The following HERC6 variants were observed in gnomAD, a reference collection of about 807,000 sequenced individuals.
The protein encoded by HERC6 is HECT and RLD domain containing E3 ubiquitin protein ligase family member 6, also known as probable E3 ubiquitin-protein ligase HERC6.
Under a neutral mutation model 114.5 loss-of-function variants are expected in HERC6, and 101 were observed. The observed-to-expected ratio is 0.88, with a 90% confidence interval of 0.75 to 1.04. The LOEUF is 1.04. Ranked by LOEUF, HERC6 falls within the 50% of genes least tolerant of loss-of-function variation. HERC6 has a pLI of 0.00. For synonymous variants in HERC6, 408 were observed against 436.2 expected, an observed-to-expected ratio of 0.94 and a Z score of 0.81; for missense variants, 1,133 against 1,230.9, an observed-to-expected ratio of 0.92 and a Z score of 1.19.
chr4:88,384,849 G>A (rs191488360), intron 2 of HERC6, among the ~76,000 whole-genome samples: 249 of 152,038 alleles, frequency 1.6e-3, no homozygotes, highest in Non-Finnish European at 2.8e-3. Flanking sequence ...GTGAAACCTC[G>A]TCTATACTAA....
chr4:88,385,479 T>A lies in HERC6; in HGVS notation c.360-20T>A. On this transcript the variant is annotated intron_variant, in intron 2 of 22. Coordinates refer to ENST00000264346, the MANE Select transcript of HERC6 (RefSeq NM_017912.4). ...CGCTCTAAATAAGGATTAATCAATT[T>A]TGTATTATTTGTATTATAGGAAAAT... 8.5e-7 allele frequency: 1 copy of A among 1,178,292 alleles called. No homozygotes were observed. The highest frequency in any genetic ancestry group is 1.2e-6 in the Non-Finnish European group (1 of 829,314). 73.0% of individuals were successfully genotyped at this position (1,178,292 alleles called of 1,614,324 possible).
chr4:88,439,610 T>G (rs1054123054), intron 20 of HERC6, among the ~76,000 whole-genome samples: 1 of 152,104 alleles, frequency 6.6e-6, no homozygotes, highest in Non-Finnish European at 1.5e-5. Context: ...GAGAATGACA[T>G]ATTCAGATTC....
intron 15 of HERC6, among the ~76,000 whole-genome samples, chr4:88,426,598 G>A (rs551812880): frequency 5.3e-5 from 8 of 151,914 alleles, no homozygotes; most frequent in African/African-American, 1.9e-4. Flanking sequence ...TCCTGCCTCA[G>A]TCTCCCAAGT....
At chr4:88,396,818 A>G in intron 6 of HERC6, 33 bp from the exon 7 acceptor site, 1 of 1,477,684 alleles carries the variant, frequency 6.8e-7, no homozygotes, top group Middle Eastern at 1.8e-4. Flanking sequence ...TGAGTGCCTT[A>G]GTCTTCATTA....
At chr4:88,435,065 T>C (rs772502725) in intron 17 of HERC6, among the ~76,000 whole-genome samples, 2 of 152,190 alleles carry the variant, frequency 1.3e-5, no homozygotes, top group African/African-American at 2.4e-5. Flanking sequence ...GGCATTGGAA[T>C]TGAATCCCAA....
chr4:88,425,939 C>T lies in HERC6; in HGVS notation c.1935+1237C>T, dbSNP rs896007998. Reference sequence around the variant, plus strand: ...ACTTTTATTACTAATTCAAAGGATGCATCTGGGTGAAACATAAGAAGTCTG... The same window carrying T: ...ACTTTTATTACTAATTCAAAGGATGTATCTGGGTGAAACATAAGAAGTCTG... On this transcript the variant is annotated intron_variant, in intron 15 of 22. Coordinates refer to ENST00000264346, the MANE Select transcript of HERC6 (RefSeq NM_017912.4). 3.9e-5 allele frequency among the ~76,000 whole-genome samples: 6 copies of T among 152,098 alleles called. No individual in the cohort carries two copies. In the South Asian group the frequency reaches 1.2e-3, roughly 32 times the overall value.
intron 4 of HERC6, 80 bp from the exon 5 acceptor site, chr4:88,393,396 AAAAAAGAAATAT>A: frequency 1.7e-6 from 1 of 598,896 alleles, no homozygotes; most frequent in East Asian, 3.0e-5. Flanking sequence ...CTCTTACACA[AAAAAAGAAATAT>A]AAAAAGATAT....
chr4:88,412,207 A>T (rs1181356310), intron 11 of HERC6, among the ~76,000 whole-genome samples: 2 of 152,240 alleles, frequency 1.3e-5, no homozygotes, highest in East Asian at 3.8e-4. Flanking sequence ...TTTACACGAG[A>T]TCACCTGACA....
intron 8 of HERC6, among the ~76,000 whole-genome samples, chr4:88,401,490 CAAA>C (rs934279048): frequency 3.5e-5 from 2 of 56,722 alleles, no homozygotes; most frequent in African/African-American, 6.3e-5. Context: ...GACTCCATCT[CAAA>C]AAAAAAAAAA....
Position 88,396,703 on chromosome 4 carries a change from C to G in HERC6, c.888-148C>G, listed in dbSNP as rs73841938. The G allele has an allele frequency of 8.8e-3, 5,103 of 579,818 alleles. 198 individuals carry two copies. Among genetic ancestry groups the G allele is most frequent in the African/African-American group, 0.084 (4,503 of 53,370 alleles). The allele number at this position is 579,818 out of a possible 1,614,324, so 35.9% of individuals were successfully genotyped here. A position where few individuals can be genotyped will look rare whatever the true frequency, so the allele number is the denominator to read the frequency against. The stretch of plus-strand genomic sequence containing the variant: ...GTTTAGCCACATCCTTTGATGCCCT[C>G]TAACACTGACATTGTGATAAGGGAG... On this transcript the variant is annotated intron_variant, in intron 6 of 22. Coordinates refer to ENST00000264346, the MANE Select transcript of HERC6 (RefSeq NM_017912.4).
Position 88,431,285 on chromosome 4 carries a change from T to C in HERC6, c.2230T>C (p.Cys744Arg). The change falls in exon 17 of 23, where the codon TGC becomes CGC. Residue 744 changes from cysteine (C) to arginine (R), a missense_variant. Around this residue, in one of 3 missense-constraint regions of HERC6, gnomAD observed 388 missense variants for 445.9 expected, o/e 0.87. Transcript: ENST00000264346. ...GMFMYPEMGS[C>R]MWFPAKPKPE... ...GTTCATGTATCCTGAAATGGGTTCC[T>C]GCATGTGGTTTCCTGCCAAGGTAAG... 6.3e-7 allele frequency: 1 copy of C among 1,597,746 alleles called. No individual in the cohort carries two copies. Among genetic ancestry groups the C allele is most frequent in the Non-Finnish European group, 8.5e-7 (1 of 1,175,148 alleles).
intron 10 of HERC6, among the ~76,000 whole-genome samples, chr4:88,406,389 T>TG (rs1291483688): frequency 6.6e-6 from 1 of 152,254 alleles, no homozygotes; most frequent in Non-Finnish European, 1.5e-5. Context: ...TAACCCTTGT[T>TG]GCTATTACTT....
At chr4:88,413,721 T>C (rs1235054649) in intron 12 of HERC6, among the ~76,000 whole-genome samples, 1 of 152,230 alleles carries the variant, frequency 6.6e-6, no homozygotes, top group Non-Finnish European at 1.5e-5. Context: ...TAGCGTATAT[T>C]GAAAGTTCAG....
chr4:88,432,988 T>C (rs1266331659), intron 17 of HERC6, among the ~76,000 whole-genome samples: 3 of 151,950 alleles, frequency 2.0e-5, no homozygotes, highest in Non-Finnish European at 4.4e-5. Context: ...CTCGGGAGGC[T>C]GAGGCAGGAG....
At chr4:88,426,345 T>A (rs1000486776) in intron 15 of HERC6, among the ~76,000 whole-genome samples, 1 of 152,078 alleles carries the variant, frequency 6.6e-6, no homozygotes, top group African/African-American at 2.4e-5. Context: ...ATTTTGTATT[T>A]TTAGTAGAGA....
At chr4:88,379,282 A>T (rs909826048) in intron 1 of HERC6, among the ~76,000 whole-genome samples, 162 bp downstream of exon 1, 1 of 152,090 alleles carries the variant, frequency 6.6e-6, no homozygotes, top group South Asian at 2.1e-4. Flanking sequence ...GCCGCGGGCC[A>T]GGCAGGGAGG....
At chr4:88,390,177 C>CAAAAAAA (rs1156777502) in intron 3 of HERC6, among the ~76,000 whole-genome samples, 25 of 48,596 alleles carry the variant, frequency 5.1e-4, no homozygotes, top group Admixed American at 7.2e-4. Flanking sequence ...AACTCTGTAT[C>CAAAAAAA]AAAAAAAAAA....
intron 19 of HERC6, 73 bp from the exon 20 acceptor site, chr4:88,437,638 A>G: frequency 1.1e-6 from 1 of 898,588 alleles, no homozygotes; most frequent in Non-Finnish European, 1.8e-6. Flanking sequence ...TGTATTGGCA[A>G]TAAAGATATT....
intron 3 of HERC6, 80 bp from the exon 4 acceptor site, chr4:88,390,572 G>T (rs1310189612): frequency 7.8e-7 from 1 of 1,274,504 alleles, no homozygotes; most frequent in Non-Finnish European, 1.1e-6. Flanking sequence ...CCACAAAAAA[G>T]ATTTGTAGAA....
Sources: allele counts gnomAD v4.1 joint callset (sites outside exome capture counted in the v4.1 genomes callset), GRCh38; gene constraint gnomAD v4.1.1; regional missense constraint gnomAD v4.1.1; transcripts MANE v1.5; gene names NCBI Gene and HGNC (gene_info 2026-07-23, HGNC 2026-07-21).